Variants in ACTR3C observed in about 807,000 individuals in gnomAD.
ACTR3C encodes actin related protein 3C, also known as actin-related protein 3C.
Under a neutral mutation model 26.3 loss-of-function variants are expected in ACTR3C, and 18 were observed. The observed-to-expected ratio is 0.68, with a 90% CI of 0.47 to 1.01. ACTR3C has a LOEUF of 1.01. Among genes scored for constraint, ACTR3C ranks in the 50% least tolerant of loss-of-function variants. The probability of loss-of-function intolerance (pLI) is 0.00; values close to 1 mark genes in which losing one functional copy is unlikely to be tolerated. For missense variants in ACTR3C, 184 were observed against 250.7 expected, an observed-to-expected ratio of 0.73 and a Z score of 1.80; for synonymous variants, 55 against 94.5, an observed-to-expected ratio of 0.58 and a Z score of 2.42.
the ACTR3C span, among the ~76,000 whole-genome samples, chr7:150,091,026 C>T: frequency 6.6e-6 from 1 of 151,694 alleles, no homozygotes; most frequent in Non-Finnish European, 1.5e-5. Context: ...AATTAATGAG[C>T]TGGTATCTAA....
chr7:149,968,964 C>G, the ACTR3C span, among the ~76,000 whole-genome samples: 1 of 151,858 alleles, frequency 6.6e-6, no homozygotes, highest in Non-Finnish European at 1.5e-5. Flanking sequence ...TACTGTCAGT[C>G]CCATTCGCTC....
the ACTR3C span, among the ~76,000 whole-genome samples, chr7:150,080,153 T>G: frequency 1.3e-5 from 2 of 151,888 alleles, no homozygotes; most frequent in African/African-American, 4.8e-5. Flanking sequence ...CTCTGACTCT[T>G]GAACTACCTG....
chr7:150,245,483 G>A (rs550719228), downstream of ACTR3C: 1 of 152,350 alleles, frequency 6.6e-6, no homozygotes, highest in Admixed American at 6.5e-5. Flanking sequence ...ACAGAAGGCC[G>A]GAGGGCCACT....
the ACTR3C span, among the ~76,000 whole-genome samples, chr7:150,070,413 C>T: frequency 2.0e-5 from 3 of 152,136 alleles, no homozygotes; most frequent in Admixed American, 1.3e-4. Context: ...AGAAAAACAT[C>T]GGTCAGGGGC....
chr7:149,981,253 A>G, the ACTR3C span, among the ~76,000 whole-genome samples: 2 of 152,026 alleles, frequency 1.3e-5, no homozygotes, highest in Non-Finnish European at 2.9e-5. Context: ...GTCCGTGTGA[A>G]CTTTTTCAAT....
chr7:150,155,917 A>G, the ACTR3C span, among the ~76,000 whole-genome samples: 2 of 151,828 alleles, frequency 1.3e-5, no homozygotes, highest in Non-Finnish European at 2.9e-5. Flanking sequence ...TTAATGGGCC[A>G]TATTCCAGAG....
intron 1 of ACTR3C, among the ~76,000 whole-genome samples, chr7:150,297,716 G>A (rs181854191): frequency 7.8e-4 from 119 of 152,328 alleles, no homozygotes; most frequent in Admixed American, 6.2e-3. Context: ...GCCAGGCATG[G>A]TGGTGTGCAC....
At chr7:149,951,713 T>C in the ACTR3C span, among the ~76,000 whole-genome samples, 1 of 151,738 alleles carries the variant, frequency 6.6e-6, no homozygotes, top group African/African-American at 2.4e-5. Flanking sequence ...CCAGATTATC[T>C]CCCCATTTGA....
the ACTR3C span, among the ~76,000 whole-genome samples, chr7:149,913,608 G>A: frequency 2.0e-3 from 291 of 148,734 alleles, no homozygotes; most frequent in African/African-American, 6.8e-3. Context: ...CCCAGGGGCC[G>A]TGCGCGATTC....
the ACTR3C span, among the ~76,000 whole-genome samples, chr7:149,923,401 A>T: frequency 6.6e-6 from 1 of 152,196 alleles, no homozygotes. Flanking sequence ...GAATAATAAA[A>T]GGATGGACAA....
At chr7:150,213,262 A>C in the ACTR3C span, among the ~76,000 whole-genome samples, 1 of 152,098 alleles carries the variant, frequency 6.6e-6, no homozygotes, top group Non-Finnish European at 1.5e-5. Flanking sequence ...CAAGTGTGTG[A>C]GAAAAGAAAA....
At chr7:150,081,884 A>C in the ACTR3C span, among the ~76,000 whole-genome samples, 1 of 151,642 alleles carries the variant, frequency 6.6e-6, no homozygotes, top group Non-Finnish European at 1.5e-5. Flanking sequence ...TGCAAGAGAG[A>C]AGCTCATCTG....
the ACTR3C span, among the ~76,000 whole-genome samples, chr7:150,208,412 G>A: frequency 6.6e-6 from 1 of 152,126 alleles, no homozygotes; most frequent in Non-Finnish European, 1.5e-5. Context: ...AAGGACTGGA[G>A]GCAGTGGTGC....
At chr7:150,076,003 T>A in the ACTR3C span, among the ~76,000 whole-genome samples, 1 of 152,152 alleles carries the variant, frequency 6.6e-6, no homozygotes, top group Admixed American at 6.5e-5. Context: ...TCATAACATA[T>A]GCACGTTAAA....
chr7:150,285,134 C>T (rs866025513), intron 5 of ACTR3C, among the ~76,000 whole-genome samples: 23 of 152,182 alleles, frequency 1.5e-4, no homozygotes, highest in Middle Eastern at 3.4e-3. Flanking sequence ...ATTCAGTCTA[C>T]TAAGAGCAGT....
the ACTR3C span, among the ~76,000 whole-genome samples, chr7:150,178,280 C>CTT: frequency 2.3e-4 from 29 of 125,068 alleles, 1 homozygote; most frequent in African/African-American, 7.3e-4. Flanking sequence ...AACAGGAATA[C>CTT]TTTTTTTTTT....
chr7:150,085,690 G>T, the ACTR3C span, among the ~76,000 whole-genome samples: 1 of 152,194 alleles, frequency 6.6e-6, no homozygotes, highest in South Asian at 2.1e-4. Flanking sequence ...TCATTCTAAA[G>T]GGTATTCTGA....
At chr7:149,994,063 T>C in the ACTR3C span, among the ~76,000 whole-genome samples, 4 of 152,208 alleles carry the variant, frequency 2.6e-5, no homozygotes, top group East Asian at 5.8e-4. Flanking sequence ...TTGTCTGACA[T>C]GAAATAGAGA....
the ACTR3C span, among the ~76,000 whole-genome samples, chr7:150,095,253 A>G: frequency 1.3e-5 from 2 of 149,676 alleles, no homozygotes; most frequent in Admixed American, 6.6e-5. Context: ...GGGTCTGACC[A>G]CAAGGACAAA....
Sources: allele counts gnomAD v4.1 joint callset (sites outside exome capture counted in the v4.1 genomes callset), GRCh38; gene constraint gnomAD v4.1.1; transcripts MANE v1.5; gene names NCBI Gene and HGNC (gene_info 2026-07-23, HGNC 2026-07-21).